The following PPEF1 variants were observed in gnomAD, a reference collection of about 807,000 sequenced individuals.
The protein encoded by PPEF1 is protein phosphatase with EF-hand domain 1, also known as serine/threonine-protein phosphatase with EF-hands 1.
PPEF1 carries 12 observed loss-of-function variants against 53.3 expected under a neutral mutation model. That is an observed-to-expected ratio of 0.23 (90% CI 0.14 to 0.36). The LOEUF (loss-of-function observed/expected upper bound fraction) is 0.36, where lower values mean the gene tolerates loss of function less well. PPEF1 is among the 10% of genes least tolerant of loss of function. The pLI, the probability that PPEF1 is intolerant of heterozygous loss-of-function variation, is 1.00. For synonymous variants in PPEF1, 165 were observed against 176.7 expected (o/e 0.93, Z 0.52); for missense variants, 334 against 490.4 (o/e 0.68, Z 3.01).
rs182320354 is a variant in PPEF1 at position 18,753,471 on chromosome X, A to G, written c.396+3519A>G. 7.2e-5 allele frequency among the ~76,000 whole-genome samples: 8 copies of G among 110,703 alleles called. No individual in the cohort carries two copies. In the South Asian group the frequency reaches 2.6e-3, roughly 36 times the overall value. On this transcript the variant is annotated intron_variant, in intron 4 of 15. Coordinates refer to ENST00000470157, the MANE Select transcript of PPEF1 (RefSeq NM_001377996.1). ...ACTTTTGGTTTTGTTGATTCTCTCT[A>G]TTGTTTTTCTATTCTTTATTTCATT...
intron 3 of PPEF1, among the ~76,000 whole-genome samples, chrX:18,738,183 A>G (rs2045038942): frequency 9.0e-6 from 1 of 111,081 alleles, no homozygotes; most frequent in African/African-American, 3.3e-5. Context: ...TTAGCTGGTT[A>G]TTTTTCTCGT....
intron 6 of PPEF1, among the ~76,000 whole-genome samples, chrX:18,770,752 TA>T (rs1226647034): frequency 5.6e-4 from 63 of 112,318 alleles, no homozygotes; most frequent in African/African-American, 1.9e-3. Context: ...TAATTCGAGA[TA>T]AGAAGTTTTA....
intron 2 of PPEF1, among the ~76,000 whole-genome samples, chrX:18,733,025 G>A (rs1378105506): frequency 2.7e-5 from 3 of 111,268 alleles, no homozygotes; most frequent in African/African-American, 9.8e-5. Context: ...CCAACATGTT[G>A]AAACCCTGTC....
At chrX:18,684,976 C>T (rs925166639) in intron 2 of PPEF1, among the ~76,000 whole-genome samples, 1 of 112,055 alleles carries the variant, frequency 8.9e-6, no homozygotes, top group African/African-American at 3.2e-5. Context: ...GGTAACTGAA[C>T]ACAGAACAAT....
At chrX:18,692,447 A>C (rs1011328277) in intron 4 of PPEF1, among the ~76,000 whole-genome samples, 1 of 112,051 alleles carries the variant, frequency 8.9e-6, no homozygotes, top group Non-Finnish European at 1.9e-5. Context: ...TTGTCAAGTG[A>C]ATGATGAATC....
upstream of PPEF1, among the ~76,000 whole-genome samples, chrX:18,681,656 T>G (rs1388239005): frequency 1.8e-5 from 2 of 112,043 alleles, no homozygotes; most frequent in African/African-American, 6.5e-5. Flanking sequence ...CAGAATCCTC[T>G]TGTTCAAAAT....
intron 1 of PPEF1, among the ~76,000 whole-genome samples, chrX:18,714,286 T>TTG: frequency 9.8e-6 from 1 of 102,509 alleles, no homozygotes; most frequent in Non-Finnish European, 2.0e-5. Flanking sequence ...TGTTTTTTTT[T>TTG]TTTGAGATGG....
intron 4 of PPEF1, among the ~76,000 whole-genome samples, chrX:18,696,173 G>A (rs767541033): frequency 1.8e-5 from 2 of 110,207 alleles, no homozygotes; most frequent in South Asian, 3.9e-4. Flanking sequence ...TTTCTTTTGA[G>A]ACAAGGTCTT....
At chrX:18,740,916 ATTTTT>A (rs749122735) in intron 3 of PPEF1, among the ~76,000 whole-genome samples, 29 of 75,176 alleles carry the variant, frequency 3.9e-4, no homozygotes, top group African/African-American at 9.0e-4. Flanking sequence ...TGGGCCAACC[ATTTTT>A]TTTTTTTTTT....
chrX:18,687,821 CG>C (rs1676336283), intron 3 of PPEF1, among the ~76,000 whole-genome samples: 1 of 109,012 alleles, frequency 9.2e-6, no homozygotes, highest in African/African-American at 3.3e-5. Flanking sequence ...CCGGAGTAGC[CG>C]GGACTATAGG....
At chrX:18,690,463 A>C (rs1427251397) in intron 3 of PPEF1, among the ~76,000 whole-genome samples, 1 of 100,427 alleles carries the variant, frequency 1.0e-5, no homozygotes, top group Non-Finnish European at 2.0e-5. Flanking sequence ...TGCAACCTCC[A>C]CCTCCCGAGT....
intron 14 of PPEF1, among the ~76,000 whole-genome samples, chrX:18,825,419 T>C (rs1186777771): frequency 8.9e-6 from 1 of 112,323 alleles, no homozygotes; most frequent in African/African-American, 3.2e-5. Context: ...TTCCTTTATC[T>C]CCCTGTTTTC....
intron 14 of PPEF1, 84 bp downstream of exon 14, chrX:18,824,170 A>G: frequency 1.0e-6 from 1 of 983,716 alleles, no homozygotes; most frequent in South Asian, 2.7e-5. Context: ...GGCCGGGCAC[A>G]GTGGCTCACG....
rs1450664355 is a variant in PPEF1, at chrX:18,707,736, A to ACC, written c.-45_-44insCC. Reference sequence around the variant, plus strand: ...AGGCACTTTTCACACTCTGTCTTAAAATCAGAAGTTGAATTCATGAACACA... The same window carrying ACC: ...AGGCACTTTTCACACTCTGTCTTAAACCATCAGAAGTTGAATTCATGAACACA... On this transcript the variant is annotated 5_prime_UTR_variant, in exon 1 of 16. Transcript: ENST00000470157. 1 of 1,165,271 alleles carries ACC rather than the reference A, an allele frequency of 8.6e-7. No homozygotes were observed. The highest frequency in any genetic ancestry group is 1.2e-6 in the Non-Finnish European group (1 of 855,392).
chrX:18,707,639 T>A (rs370164379), upstream of PPEF1: 11 of 493,191 alleles, frequency 2.2e-5, no homozygotes, highest in East Asian at 1.5e-4. Flanking sequence ...CTTCCCTCCC[T>A]CCTGTGTATT....
chrX:18,685,704 GAAA>G (rs1198719875), intron 2 of PPEF1, among the ~76,000 whole-genome samples: 1 of 90,741 alleles, frequency 1.1e-5, no homozygotes, highest in Non-Finnish European at 2.1e-5. Context: ...AAAAAAAAAA[GAAA>G]AAAAAGCAGT....
At chrX:18,816,929 T>A (rs1261668525) in intron 12 of PPEF1, among the ~76,000 whole-genome samples, 1 of 111,734 alleles carries the variant, frequency 8.9e-6, no homozygotes, top group Admixed American at 9.6e-5. Flanking sequence ...GACTAAAGTG[T>A]GTCTCCTATT....
At chrX:18,681,201 T>C (rs200350419), upstream of PPEF1, among the ~76,000 whole-genome samples, 5 of 111,793 alleles carry the variant, frequency 4.5e-5, no homozygotes, top group African/African-American at 1.6e-4. Context: ...ATGGTCTTGA[T>C]CTCTTGACCT....
At chrX:18,824,582 A>G (rs1395298963) in intron 14 of PPEF1, among the ~76,000 whole-genome samples, 2 of 111,782 alleles carry the variant, frequency 1.8e-5, no homozygotes, top group Non-Finnish European at 3.8e-5. Flanking sequence ...AAAAAGAAAA[A>G]GCTTCCACAA....
Sources: gnomAD v4.1 joint callset for allele counts (sites outside exome capture counted in the v4.1 genomes callset) on GRCh38, gnomAD v4.1.1 for gene constraint, MANE v1.5 for transcripts, NCBI Gene and HGNC (gene_info 2026-07-23, HGNC 2026-07-21) for gene names.